CADM2: variants seen among roughly 807,000 people sequenced by gnomAD.
The protein encoded by CADM2 is cell adhesion molecule 2, also known as immunoglobulin superfamily member 4D.
Under a neutral mutation model 49.8 loss-of-function variants are expected in CADM2, and 12 were observed. The observed-to-expected ratio is 0.24, with a 90% CI of 0.15 to 0.39. The LOEUF is 0.39. Among genes scored for constraint, CADM2 ranks in the 10% least tolerant of loss-of-function variants. The pLI, the probability that CADM2 is intolerant of heterozygous loss-of-function variation, is 1.00. For synonymous variants in CADM2, 214 were observed against 175.4 expected (o/e 1.22, Z -1.74); for missense variants, 378 against 492.3 (o/e 0.77, Z 2.20).
chr3:85,855,368 A>C (rs73847407), intron 3 of CADM2, among the ~76,000 whole-genome samples: 1 of 151,902 alleles, frequency 6.6e-6, no homozygotes, highest in Non-Finnish European at 1.5e-5. Flanking sequence ...GCATGTCATT[A>C]CACACTCATG....
At chr3:86,050,202 TTTGGA>T (rs1179962171) in intron 8 of CADM2, among the ~76,000 whole-genome samples, 4 of 152,166 alleles carry the variant, frequency 2.6e-5, no homozygotes, top group Non-Finnish European at 5.9e-5. Context: ...CCCCAGGCAA[TTTGGA>T]AACCAAGCAG....
At chr3:85,254,152 G>C (rs2042834547) in intron 1 of CADM2, among the ~76,000 whole-genome samples, 1 of 151,968 alleles carries the variant, frequency 6.6e-6, no homozygotes, top group African/African-American at 2.4e-5. Context: ...ACAGTACTCA[G>C]GGTAATATTT....
rs2044724 is a variant in CADM2, at chr3:85,596,770, G to T, written c.62-129752G>T. On this transcript the variant is annotated intron_variant, in intron 1 of 9. Transcript: ENST00000383699. The stretch of plus-strand genomic sequence containing the variant: ...ATTGCTCTGTTGCCCATGCTGGAGT[G>T]CAGTGGCCCGATCTTAACTCAATTA... Among the ~76,000 whole-genome samples the T allele has an allele frequency of 3.3e-5, 5 of 152,066 alleles. No homozygotes were observed. The South Asian group carries it at 8.3e-4, about 25-fold the overall frequency.
At chr3:85,323,718 C>G (rs1406308226) in intron 1 of CADM2, among the ~76,000 whole-genome samples, 2 of 152,132 alleles carry the variant, frequency 1.3e-5, no homozygotes, top group Non-Finnish European at 2.9e-5. Context: ...CATTTCTAGA[C>G]TTAGTCTCCC....
chr3:85,897,822 C>A (rs1394986720), intron 5 of CADM2, among the ~76,000 whole-genome samples: 1 of 152,142 alleles, frequency 6.6e-6, no homozygotes, highest in Middle Eastern at 3.4e-3. Context: ...ATTGCAAATT[C>A]TTTGAAATTA....
chr3:85,860,846 A>G (rs866397966), intron 3 of CADM2, among the ~76,000 whole-genome samples: 2 of 152,222 alleles, frequency 1.3e-5, no homozygotes, highest in South Asian at 2.1e-4. Context: ...GAAGTGAGAA[A>G]GCCGATTTTG....
chr3:85,397,420 C>T (rs2034846095), intron 1 of CADM2, among the ~76,000 whole-genome samples: 1 of 152,096 alleles, frequency 6.6e-6, no homozygotes, highest in African/African-American at 2.4e-5. Context: ...TGGTCAGACA[C>T]TTGTACACCT....
chr3:85,088,683 A>C (rs1385709056), intron 1 of CADM2, among the ~76,000 whole-genome samples: 1 of 152,150 alleles, frequency 6.6e-6, no homozygotes, highest in African/African-American at 2.4e-5. Context: ...CATTGTCATA[A>C]TCAAATTACA....
intron 1 of CADM2, among the ~76,000 whole-genome samples, chr3:85,703,530 G>C (rs915177751): frequency 6.6e-6 from 1 of 152,046 alleles, no homozygotes; most frequent in African/African-American, 2.4e-5. Context: ...GATCATAACC[G>C]TAGAGTGGGG....
intron 3 of CADM2, among the ~76,000 whole-genome samples, chr3:85,821,879 T>A (rs762727749): frequency 6.6e-6 from 1 of 152,132 alleles, no homozygotes; most frequent in African/African-American, 2.4e-5. Flanking sequence ...AAATATAACA[T>A]AAAAAATAAA....
intron 7 of CADM2, among the ~76,000 whole-genome samples, chr3:85,956,014 C>G (rs952224768): frequency 1.1e-4 from 17 of 151,490 alleles, no homozygotes; most frequent in Non-Finnish European, 2.1e-4. Flanking sequence ...TTGATAGAAA[C>G]AAAATCAAAA....
chr3:85,735,805 C>T (rs1033263967), intron 2 of CADM2, among the ~76,000 whole-genome samples: 2 of 151,772 alleles, frequency 1.3e-5, no homozygotes, highest in Admixed American at 6.6e-5. Context: ...TTTACAAGAT[C>T]GAAAAGACAG....
At chr3:85,119,014 G>C (rs148139807) in intron 1 of CADM2, among the ~76,000 whole-genome samples, 53 of 152,268 alleles carry the variant, frequency 3.5e-4, no homozygotes, top group African/African-American at 1.2e-3. Context: ...CTCCCAAAGT[G>C]CTGTGATTCC....
At chr3:85,712,639 A>C (rs1376465865) in intron 1 of CADM2, among the ~76,000 whole-genome samples, 1 of 152,106 alleles carries the variant, frequency 6.6e-6, no homozygotes, top group African/African-American at 2.4e-5. Flanking sequence ...TATGTTTGGA[A>C]GCTCCTTCCC....
At chr3:86,023,810 C>T (rs1448024834) in intron 8 of CADM2, among the ~76,000 whole-genome samples, 2 of 152,162 alleles carry the variant, frequency 1.3e-5, no homozygotes, top group African/African-American at 4.8e-5. Flanking sequence ...TTTTAGACTG[C>T]CAACTCTGTC....
chr3:85,734,974 A>ATGTG (rs1200111755), intron 2 of CADM2, among the ~76,000 whole-genome samples: 8 of 79,394 alleles, frequency 1.0e-4, no homozygotes, highest in Non-Finnish European at 5.3e-5. Context: ...CTAGAAATAT[A>ATGTG]TATATGTGTG....
At chr3:85,422,061 AT>A (rs1254506921) in intron 1 of CADM2, among the ~76,000 whole-genome samples, 1 of 152,220 alleles carries the variant, frequency 6.6e-6, no homozygotes, top group Non-Finnish European at 1.5e-5. Flanking sequence ...GTACATATAT[AT>A]TGTGTTTCCA....
intron 1 of CADM2, among the ~76,000 whole-genome samples, chr3:85,486,045 C>T (rs573166653): frequency 1.3e-5 from 2 of 152,026 alleles, no homozygotes; most frequent in South Asian, 2.1e-4. Context: ...AAAATGATGA[C>T]GTTGAGGTCA....
chr3:85,905,466 C>T (rs1241177064), intron 5 of CADM2, among the ~76,000 whole-genome samples: 1 of 152,056 alleles, frequency 6.6e-6, no homozygotes, highest in Non-Finnish European at 1.5e-5. Context: ...GGAAAAGAAG[C>T]TTTACCTGGC....
Sources: gnomAD v4.1 joint callset for allele counts (sites outside exome capture counted in the v4.1 genomes callset) on GRCh38, gnomAD v4.1.1 for gene constraint, MANE v1.5 for transcripts, NCBI Gene and HGNC (gene_info 2026-07-23, HGNC 2026-07-21) for gene names.